KDM6A: variants seen among roughly 807,000 people sequenced by gnomAD.
KDM6A encodes lysine-specific demethylase 6A.
KDM6A carries 11 observed loss-of-function variants against 117.6 expected under a neutral mutation model. The observed-to-expected ratio is 0.09, with a 90% confidence interval of 0.06 to 0.15. KDM6A has a LOEUF of 0.15. Ranked by LOEUF, KDM6A falls within the 10% of genes least tolerant of loss-of-function variation. The pLI is 1.00. For missense variants in KDM6A, 799 were observed against 1,077.3 expected (o/e 0.74, Z 3.62); for synonymous variants, 384 against 396.1 (o/e 0.97, Z 0.36).
intron 27 of KDM6A, among the ~76,000 whole-genome samples, chrX:45,097,360 A>G (rs1050882476): frequency 8.9e-6 from 1 of 111,764 alleles, no homozygotes; most frequent in African/African-American, 3.3e-5. Flanking sequence ...GTTAAAAAAA[A>G]GATAATGTTT....
intron 2 of KDM6A, among the ~76,000 whole-genome samples, chrX:44,908,992 C>G (rs1332473735): frequency 8.9e-6 from 1 of 111,873 alleles, no homozygotes; most frequent in Non-Finnish European, 1.9e-5. Flanking sequence ...CACAAGTGTG[C>G]CATTCAGTGA....
intron 6 of KDM6A, among the ~76,000 whole-genome samples, chrX:45,026,683 T>A (rs1053174965): frequency 5.9e-5 from 6 of 102,393 alleles, no homozygotes; most frequent in East Asian, 3.1e-4. Context: ...AAAAAAAAAA[T>A]TTAGCTGGGC....
At chrX:44,970,467 A>G (rs2039287869) in intron 3 of KDM6A, among the ~76,000 whole-genome samples, 1 of 110,663 alleles carries the variant, frequency 9.0e-6, no homozygotes, top group African/African-American at 3.3e-5. Context: ...TGGACTTCTT[A>G]TACTTCAGTT....
intron 2 of KDM6A, among the ~76,000 whole-genome samples, chrX:44,926,671 A>G (rs2036320225): frequency 9.0e-6 from 1 of 111,604 alleles, no homozygotes; most frequent in Non-Finnish European, 1.9e-5. Flanking sequence ...CTTTTTCTCC[A>G]TTGAAATTAT....
chrX:44,987,791 G>A (rs1176208356), intron 4 of KDM6A, among the ~76,000 whole-genome samples: 1 of 111,619 alleles, frequency 9.0e-6, no homozygotes, highest in African/African-American at 3.3e-5. Context: ...TTAGTCTGAT[G>A]GGCTTCCCTT....
intron 2 of KDM6A, among the ~76,000 whole-genome samples, chrX:44,951,262 C>T (rs913774533): frequency 1.8e-5 from 2 of 111,399 alleles, no homozygotes; most frequent in Non-Finnish European, 3.8e-5. Context: ...GAGCGTTATT[C>T]CTAACATTTG....
At position 44,949,385 on chromosome X, in the gene KDM6A, A is replaced by C. The variant is rs139847052; in HGVS notation, c.226-11899A>C. Among the ~76,000 whole-genome samples, 669 of 111,794 alleles carry C rather than the reference A, an allele frequency of 6.0e-3. 5 individuals carry two copies. The highest frequency in any genetic ancestry group is 0.02 in the African/African-American group (630 of 30,769). ...ACCCTAGCCTCGGTGACAAAGTGAG[A>C]CCTTTCAAAAGAAAAAAACAAAAAG... On this transcript the variant is annotated intron_variant, in intron 2 of 29. Coordinates refer to ENST00000611820, the MANE Select transcript of KDM6A (RefSeq NM_001291415.2).
rs147909967 is a variant in KDM6A at position 45,050,336 on chromosome X, G to A, written c.655-1373G>A. On this transcript the variant is annotated intron_variant, in intron 8 of 29. Transcript: ENST00000611820. ...GCCTGGGCAACAAGGGCGACACTCC[G>A]TCTCAAAAAAACAAACAAACGAAAA... 9.7e-3 allele frequency among the ~76,000 whole-genome samples: 1,085 copies of A among 112,298 alleles called. 7 individuals carry two copies. Among genetic ancestry groups the A allele is most frequent in the Non-Finnish European group, 0.017 (902 of 53,195 alleles).
chrX:45,110,892 C>T (rs2046743410), intron 29 of KDM6A, among the ~76,000 whole-genome samples: 1 of 111,752 alleles, frequency 8.9e-6, no homozygotes, highest in Non-Finnish European at 1.9e-5. Flanking sequence ...TACTTGTCTC[C>T]CACACATATG....
At chrX:45,005,969 A>AC (rs1569516057) in intron 4 of KDM6A, among the ~76,000 whole-genome samples, 9 of 13,599 alleles carry the variant, frequency 6.6e-4, no homozygotes, top group Admixed American at 5.8e-3. Context: ...CCACCCCCCC[A>AC]CCCCCCCCAC....
intron 2 of KDM6A, among the ~76,000 whole-genome samples, chrX:44,887,651 C>T (rs1343336151): frequency 8.1e-5 from 9 of 111,103 alleles, no homozygotes; most frequent in Non-Finnish European, 1.7e-4. Flanking sequence ...GGAAAAATAT[C>T]CTAAGCACAG....
At chrX:44,983,159 C>A (rs934860123) in intron 4 of KDM6A, among the ~76,000 whole-genome samples, 2 of 111,583 alleles carry the variant, frequency 1.8e-5, no homozygotes, top group African/African-American at 6.5e-5. Context: ...AGTTTAGAAG[C>A]AGAACACATC....
At chrX:44,980,572 C>A (rs145464172) in intron 4 of KDM6A, among the ~76,000 whole-genome samples, 3,886 of 104,225 alleles carry the variant, frequency 0.037, 206 homozygotes, top group African/African-American at 0.13. Flanking sequence ...TTTTTTTATG[C>A]TATTGTGATT....
chrX:45,041,477 C>G (rs1488638563), intron 8 of KDM6A, among the ~76,000 whole-genome samples: 1 of 106,713 alleles, frequency 9.4e-6, no homozygotes, highest in Non-Finnish European at 1.9e-5. Context: ...CGGGCGGAGA[C>G]GCTCCTCACT....
chrX:44,976,584 G>A (rs2039629384), intron 4 of KDM6A, among the ~76,000 whole-genome samples: 1 of 111,379 alleles, frequency 9.0e-6, no homozygotes, highest in South Asian at 3.7e-4. Flanking sequence ...TTGCTATACT[G>A]TATTGCTTTT....
chrX:44,939,702 AAG>A lies in KDM6A; in HGVS notation c.226-21579_226-21578del, dbSNP rs201357640. ...CTACTGAGAAACCTTTCATGAAAGG[AAG>A]AGTCAATCCATGTGGCAAACTTCAT... On this transcript the variant is annotated intron_variant, in intron 2 of 29. Transcript: ENST00000611820. 9.6e-3 allele frequency among the ~76,000 whole-genome samples: 1,076 copies of A among 111,838 alleles called. 13 individuals carry two copies. Among genetic ancestry groups the A allele is most frequent in the South Asian group, 0.052 (140 of 2,687 alleles).
intron 4 of KDM6A, among the ~76,000 whole-genome samples, chrX:44,992,460 G>A (rs2040661178): frequency 9.1e-6 from 1 of 109,297 alleles, no homozygotes; most frequent in Non-Finnish European, 1.9e-5. Flanking sequence ...CCAGCCTCAC[G>A]TGATCTGCCC....
intron 2 of KDM6A, among the ~76,000 whole-genome samples, chrX:44,957,409 G>GA (rs1282223287): frequency 8.9e-6 from 1 of 112,081 alleles, no homozygotes; most frequent in Non-Finnish European, 1.9e-5. Context: ...TACTGCACAT[G>GA]AAAAAAATTA....
chrX:44,875,992 T>TTG (rs1475533406), intron 2 of KDM6A, among the ~76,000 whole-genome samples: 1 of 111,932 alleles, frequency 8.9e-6, no homozygotes, highest in Non-Finnish European at 1.9e-5. Flanking sequence ...TCTTGGCAAG[T>TTG]TGTGCATTAC....
Sources: allele counts gnomAD v4.1 joint callset (sites outside exome capture counted in the v4.1 genomes callset), GRCh38; gene constraint gnomAD v4.1.1; transcripts MANE v1.5; gene names NCBI Gene and HGNC (gene_info 2026-07-23, HGNC 2026-07-21).